Variants in ARHGEF3 observed in about 807,000 individuals in gnomAD.
The protein encoded by ARHGEF3 is Rho guanine nucleotide exchange factor 3.
A neutral mutation model predicts 63.2 loss-of-function variants in ARHGEF3; 28 were observed. The observed-to-expected ratio is 0.44, with a 90% CI of 0.33 to 0.61. ARHGEF3 has a LOEUF of 0.61. Ranked by LOEUF, ARHGEF3 falls within the 20% of genes least tolerant of loss-of-function variation. ARHGEF3 has a pLI of 0.03. For missense variants in ARHGEF3, 533 were observed against 659.3 expected (o/e 0.81, Z 2.10); for synonymous variants, 266 against 254.2 (o/e 1.05, Z -0.44).
intron 2 of ARHGEF3, among the ~76,000 whole-genome samples, chr3:57,026,345 G>A (rs1395489919): frequency 6.6e-6 from 1 of 152,146 alleles, no homozygotes; most frequent in East Asian, 1.9e-4. Flanking sequence ...AGGCTGCAGT[G>A]ATTCATGATC....
At chr3:56,988,553 A>T (rs535536132) in intron 2 of ARHGEF3, among the ~76,000 whole-genome samples, 1 of 152,310 alleles carries the variant, frequency 6.6e-6, no homozygotes, top group East Asian at 1.9e-4. Flanking sequence ...GATTAAAAGT[A>T]TGTTGGCAGG....
At chr3:56,746,449 C>T (rs543934008) in intron 6 of ARHGEF3, among the ~76,000 whole-genome samples, 1 of 152,104 alleles carries the variant, frequency 6.6e-6, no homozygotes, top group Non-Finnish European at 1.5e-5. Flanking sequence ...TAAAGTATGG[C>T]GGCCAGGCGC....
intron 3 of ARHGEF3, among the ~76,000 whole-genome samples, chr3:56,934,904 C>T (rs1459822906): frequency 1.3e-5 from 2 of 152,258 alleles, no homozygotes; most frequent in African/African-American, 4.8e-5. Flanking sequence ...CTGCGGGATC[C>T]ACTAGGTGAA....
chr3:56,839,622 A>G (rs2039242152), intron 4 of ARHGEF3, among the ~76,000 whole-genome samples: 1 of 152,230 alleles, frequency 6.6e-6, no homozygotes. Flanking sequence ...TTAAAAATAT[A>G]AAACAACGAA....
At chr3:56,863,818 C>T (rs2040156997) in intron 4 of ARHGEF3, among the ~76,000 whole-genome samples, 1 of 152,120 alleles carries the variant, frequency 6.6e-6, no homozygotes, top group African/African-American at 2.4e-5. Flanking sequence ...CTGGAAAGGA[C>T]ACAATTCATC....
intron 2 of ARHGEF3, among the ~76,000 whole-genome samples, chr3:57,008,946 G>T (rs578100592): frequency 6.6e-6 from 1 of 152,334 alleles, no homozygotes; most frequent in Admixed American, 6.5e-5. Context: ...GCTCTCATGA[G>T]AATTGGGAAG....
At chr3:56,971,719 T>A (rs1031401139) in intron 2 of ARHGEF3, among the ~76,000 whole-genome samples, 1 of 151,642 alleles carries the variant, frequency 6.6e-6, no homozygotes, top group Non-Finnish European at 1.5e-5. Context: ...GTGGGCATGG[T>A]GGCGGGCAAC....
upstream of ARHGEF3, among the ~76,000 whole-genome samples, chr3:56,802,849 G>A (rs1029497882): frequency 6.6e-6 from 1 of 152,142 alleles, no homozygotes; most frequent in Non-Finnish European, 1.5e-5. Flanking sequence ...GGAAACAATG[G>A]TAATATATCC....
Position 56,751,092 on chromosome 3 carries a change from G to T in ARHGEF3, c.576C>A (p.Gly192=), listed in dbSNP as rs1256190764. 6.2e-6 allele frequency: 10 copies of T among 1,614,024 alleles called. No individual in the cohort carries two copies. Among genetic ancestry groups the T allele is most frequent in the Non-Finnish European group, 8.5e-6 (10 of 1,180,030 alleles). ...GGATGGGACCAACATGTTCAGTCGA[G>T]CCATCAGGCTTCCTAACATCTCGAA... The part of the protein sequence containing the change: ...SQLRDVRKPD[G]STEHVGPILV... Residue 192 remains glycine (G), a synonymous_variant, in exon 6 of 10, where the codon GGC becomes GGA. Transcript: ENST00000296315.
chr3:56,731,037 C>A (rs1013285664), intron 9 of ARHGEF3, among the ~76,000 whole-genome samples: 19 of 152,174 alleles, frequency 1.2e-4, no homozygotes, highest in African/African-American at 3.6e-4. Flanking sequence ...AAATGTAATA[C>A]ATGTAAATGC....
At chr3:56,928,692 G>A (rs1204666040) in intron 3 of ARHGEF3, among the ~76,000 whole-genome samples, 1 of 152,106 alleles carries the variant, frequency 6.6e-6, no homozygotes, top group Non-Finnish European at 1.5e-5. Context: ...GACACAGCAG[G>A]GTTTGGAAAA....
chr3:56,993,484 C>G (rs1435139503), intron 2 of ARHGEF3, among the ~76,000 whole-genome samples: 4 of 152,108 alleles, frequency 2.6e-5, no homozygotes, highest in Non-Finnish European at 5.9e-5. Flanking sequence ...AAGCGATCCT[C>G]CTACCTCAGC....
intron 2 of ARHGEF3, among the ~76,000 whole-genome samples, chr3:57,022,937 G>A (rs746957286): frequency 1.7e-4 from 26 of 152,146 alleles, no homozygotes; most frequent in Non-Finnish European, 3.5e-4. Context: ...CCTCAAGAAG[G>A]CTGCAGGGCT....
At chr3:56,734,750 A>G (rs1335759984) in intron 8 of ARHGEF3, among the ~76,000 whole-genome samples, 1 of 152,162 alleles carries the variant, frequency 6.6e-6, no homozygotes. Context: ...AACAAAACCC[A>G]ACCAAATCTT....
chr3:56,740,918 G>T (rs1487324396), intron 7 of ARHGEF3, among the ~76,000 whole-genome samples: 1 of 152,166 alleles, frequency 6.6e-6, no homozygotes. Context: ...CTCAGGAACT[G>T]AACAACTGGC....
intron 4 of ARHGEF3, among the ~76,000 whole-genome samples, chr3:56,826,713 C>T (rs1007551494): frequency 1.3e-5 from 2 of 152,170 alleles, no homozygotes; most frequent in African/African-American, 2.4e-5. Flanking sequence ...ACATTTTACA[C>T]TTTACCAGCT....
intron 4 of ARHGEF3, among the ~76,000 whole-genome samples, chr3:56,819,223 A>G (rs2038377535): frequency 1.3e-5 from 2 of 152,202 alleles, no homozygotes; most frequent in Admixed American, 1.3e-4. Context: ...ATTAAAGAAC[A>G]AAAGAAAGGA....
At chr3:56,737,493 G>GAT in intron 7 of ARHGEF3, 138 bp from the exon 8 acceptor site, 13 of 436,208 alleles carry the variant, frequency 3.0e-5, no homozygotes, top group Admixed American at 1.0e-4. Flanking sequence ...TTTGGGAAAA[G>GAT]AGAAAAAAAA....
intron 4 of ARHGEF3, among the ~76,000 whole-genome samples, chr3:56,835,103 T>C (rs1050832464): frequency 6.6e-6 from 1 of 152,226 alleles, no homozygotes; most frequent in African/African-American, 2.4e-5. Context: ...AAAAGTATTC[T>C]AAATATAAAT....
Sources: gnomAD v4.1 joint callset for allele counts (sites outside exome capture counted in the v4.1 genomes callset) on GRCh38, gnomAD v4.1.1 for gene constraint, MANE v1.5 for transcripts, NCBI Gene and HGNC (gene_info 2026-07-23, HGNC 2026-07-21) for gene names.